The following MAST2 variants were observed in gnomAD, a reference collection of about 807,000 sequenced individuals.
MAST2 encodes microtubule-associated serine/threonine-protein kinase 2.
A neutral mutation model predicts 147.4 loss-of-function variants in MAST2; 70 were observed. The observed-to-expected ratio is 0.47, with a 90% CI of 0.39 to 0.58. The LOEUF (loss-of-function observed/expected upper bound fraction) is 0.58. MAST2 is among the 20% of genes least tolerant of loss of function. MAST2 has a pLI of 0.00. For synonymous variants in MAST2, 869 were observed against 896.8 expected (o/e 0.97, Z 0.55); for missense variants, 2,080 against 2,302.3 (o/e 0.90, Z 1.98).
intron 4 of MAST2, chr1:45,913,939 A>G (rs1024288644): frequency 4.6e-6 from 5 of 1,093,562 alleles, no homozygotes; most frequent in Non-Finnish European, 4.6e-6. Flanking sequence ...ACTAATGCCA[A>G]CTAACACAGC....
At chr1:45,882,442 A>G (rs762916286) in intron 4 of MAST2, 47 bp downstream of exon 4, 4 of 1,442,902 alleles carry the variant, frequency 2.8e-6, no homozygotes, top group South Asian at 1.2e-5. Flanking sequence ...CCTACTTAGG[A>G]ACCCCTCTTG....
At chr1:45,935,160 G>A (rs1324274560) in intron 4 of MAST2, among the ~76,000 whole-genome samples, 2 of 152,192 alleles carry the variant, frequency 1.3e-5, no homozygotes, top group Non-Finnish European at 2.9e-5. Context: ...TAGCGATGTG[G>A]AGCATGTTGT....
At chr1:45,877,978 T>G (rs541290200) in intron 3 of MAST2, among the ~76,000 whole-genome samples, 2 of 151,958 alleles carry the variant, frequency 1.3e-5, no homozygotes, top group Non-Finnish European at 1.5e-5. Context: ...CCAAGGCGGG[T>G]GGATCACCTG....
intron 4 of MAST2, among the ~76,000 whole-genome samples, chr1:45,904,811 A>T (rs763513457): frequency 6.6e-5 from 10 of 151,652 alleles, no homozygotes; most frequent in Non-Finnish European, 1.0e-4. Flanking sequence ...TTTTATTGCA[A>T]TGCCACTTTT....
At chr1:46,005,351 A>G (rs1205201022) in intron 7 of MAST2, among the ~76,000 whole-genome samples, 1 of 151,754 alleles carries the variant, frequency 6.6e-6, no homozygotes, top group Non-Finnish European at 1.5e-5. Context: ...AACAAGAGCG[A>G]AACTCTGTCT....
chr1:45,952,411 G>A (rs1339530153), intron 4 of MAST2, among the ~76,000 whole-genome samples: 1 of 152,140 alleles, frequency 6.6e-6, no homozygotes, highest in Non-Finnish European at 1.5e-5. Context: ...ATGGGTACAA[G>A]GTTTCTTTTT....
intron 3 of MAST2, among the ~76,000 whole-genome samples, chr1:45,849,407 C>T (rs369917504): frequency 7.2e-5 from 11 of 152,126 alleles, no homozygotes; most frequent in African/African-American, 2.2e-4. Flanking sequence ...ACTTTATTTC[C>T]GGCAGAAATA....
At chr1:45,972,507 G>A (rs1373063260) in intron 5 of MAST2, among the ~76,000 whole-genome samples, 2 of 152,228 alleles carry the variant, frequency 1.3e-5, no homozygotes, top group Non-Finnish European at 2.9e-5. Flanking sequence ...TCTTGGAGAG[G>A]GGTGGCAGGT....
intron 3 of MAST2, among the ~76,000 whole-genome samples, chr1:45,831,745 A>G (rs1276686574): frequency 6.6e-6 from 1 of 151,640 alleles, no homozygotes; most frequent in Non-Finnish European, 1.5e-5. Flanking sequence ...CTCCTAAATA[A>G]CTACAATATA....
Position 45,803,928 on chromosome 1 carries a change from GCCGCCGCCGCCCGA to G in MAST2, c.40_53del (p.Pro14GlyfsTer48). 2.6e-6 allele frequency: 2 copies of G among 780,396 alleles called. No individual in the cohort carries two copies. Among genetic ancestry groups the G allele is most frequent in the South Asian group, 6.2e-5 (2 of 32,482 alleles). 48.3% of individuals were successfully genotyped at this position (780,396 alleles called of 1,614,324 possible). A position where few individuals can be genotyped will look rare whatever the true frequency, so the allele number is the denominator to read the frequency against. ...GGAGCCGCTGCCGCGACCGACCGCA[GCCGCCGCCGCCCGA>G]CCGCCGGGAGGATGGAGTTCAGCGG... On this transcript the variant is annotated frameshift_variant, in exon 1 of 29. Coordinates refer to ENST00000361297, the MANE Select transcript of MAST2 (RefSeq NM_015112.3). LOFTEE classifies it high-confidence loss of function.
rs186894467 is a variant in MAST2 at position 46,032,209 on chromosome 1, C to T, written c.3219C>T (p.Pro1073=). The T allele has an allele frequency of 1.2e-6, 2 of 1,614,244 alleles. No individual in the cohort carries two copies. The highest frequency in any genetic ancestry group is 3.3e-5 in the Admixed American group (2 of 60,032). Residue 1073 remains proline (P), a synonymous_variant, in exon 25 of 29, where the codon CCC becomes CCT. Coordinates refer to ENST00000361297, the MANE Select transcript of MAST2 (RefSeq NM_015112.3). ...ACACCTGCTCCCCGTTGGCCAGCCC[C>T]ATGTCCCCACATTCTCAGTCGTCCA... is the stretch of plus-strand genomic sequence containing the variant. The part of the protein sequence containing the change: ...EHHTCSPLAS[P]MSPHSQSSNP...
intron 4 of MAST2, among the ~76,000 whole-genome samples, chr1:45,934,853 G>A (rs1655945777): frequency 6.6e-6 from 1 of 152,226 alleles, no homozygotes; most frequent in Non-Finnish European, 1.5e-5. Context: ...ATAGTGCTGT[G>A]ATGAACATGT....
chr1:45,905,716 C>A (rs1451893219), intron 4 of MAST2, among the ~76,000 whole-genome samples: 1 of 151,230 alleles, frequency 6.6e-6, no homozygotes, highest in Non-Finnish European at 1.5e-5. Context: ...GCGGAGCTTG[C>A]AGTGAGCTGA....
intron 5 of MAST2, among the ~76,000 whole-genome samples, chr1:45,987,848 A>G (rs1416752665): frequency 4.7e-5 from 6 of 126,466 alleles, no homozygotes; most frequent in East Asian, 2.2e-4. Context: ...TGTTGCCCCA[A>G]CTGATCTTGA....
intron 4 of MAST2, among the ~76,000 whole-genome samples, chr1:45,943,974 CTGCTCTG>C (rs1224632251): frequency 1.3e-5 from 2 of 152,122 alleles, no homozygotes; most frequent in East Asian, 1.9e-4. Flanking sequence ...TGAGGATGTC[CTGCTCTG>C]TAATAGAGAA....
At chr1:45,943,006 A>G (rs921742952) in intron 4 of MAST2, among the ~76,000 whole-genome samples, 3 of 152,314 alleles carry the variant, frequency 2.0e-5, no homozygotes, top group East Asian at 1.9e-4. Context: ...TCAATCCCCA[A>G]TTCTGTCCTG....
chr1:45,996,008 T>C (rs1645040979), intron 5 of MAST2, among the ~76,000 whole-genome samples: 1 of 151,956 alleles, frequency 6.6e-6, no homozygotes. Flanking sequence ...ATCTTTTTTC[T>C]GTATCCCCTG....
chr1:45,996,435 A>G (rs1645061876), intron 5 of MAST2, among the ~76,000 whole-genome samples: 1 of 152,154 alleles, frequency 6.6e-6, no homozygotes, highest in Admixed American at 6.5e-5. Flanking sequence ...TGGCTAAGGA[A>G]ACAGCTACTC....
chr1:45,922,162 T>G (rs1221051020), intron 4 of MAST2, among the ~76,000 whole-genome samples: 1 of 152,082 alleles, frequency 6.6e-6, no homozygotes, highest in East Asian at 1.9e-4. Context: ...TCCAGGGGCT[T>G]TTATGGGCCT....
Sources: allele counts gnomAD v4.1 joint callset (sites outside exome capture counted in the v4.1 genomes callset), GRCh38; gene constraint gnomAD v4.1.1; transcripts MANE v1.5; gene names NCBI Gene and HGNC (gene_info 2026-07-23, HGNC 2026-07-21).